Variants in PCDHA11 observed in about 807,000 individuals in gnomAD.
PCDHA11 encodes protocadherin alpha-11.
A neutral mutation model predicts 70.3 loss-of-function variants in PCDHA11; 61 were observed. That is an observed-to-expected ratio of 0.87 (90% CI 0.71 to 1.07). The LOEUF is 1.07. PCDHA11 is among the 50% of genes least tolerant of loss of function. PCDHA11 has a pLI of 0.00. For missense variants in PCDHA11, 1,324 were observed against 1,237.5 expected, an observed-to-expected ratio of 1.07 and a Z score of -1.05; for synonymous variants, 633 against 555.1, an observed-to-expected ratio of 1.14 and a Z score of -1.97.
intron 1 of PCDHA11, among the ~76,000 whole-genome samples, chr5:140,909,201 C>G (rs1379290108): frequency 6.6e-6 from 1 of 152,136 alleles, no homozygotes; most frequent in Non-Finnish European, 1.5e-5. Flanking sequence ...GACACAAAGC[C>G]GGAGAGTTGA....
intron 1 of PCDHA11, among the ~76,000 whole-genome samples, chr5:140,913,256 T>C (rs1162098506): frequency 6.6e-6 from 1 of 152,208 alleles, no homozygotes; most frequent in East Asian, 1.9e-4. Context: ...ACAACTTTGA[T>C]CTAATTACTT....
At chr5:140,907,847 C>T (rs1332235262) in intron 1 of PCDHA11, among the ~76,000 whole-genome samples, 15 of 152,232 alleles carry the variant, frequency 9.9e-5, no homozygotes, top group African/African-American at 3.6e-4. Flanking sequence ...TAAAATCCTC[C>T]TCTGCTGAGG....
chr5:140,881,625 A>G (rs2058773266), intron 1 of PCDHA11, among the ~76,000 whole-genome samples: 1 of 152,210 alleles, frequency 6.6e-6, no homozygotes, highest in African/African-American at 2.4e-5. Context: ...AAAATCTGAT[A>G]TATCAGTTAC....
chr5:140,875,865 G>C (rs782211791), intron 1 of PCDHA11: 6 of 1,614,160 alleles, frequency 3.7e-6, no homozygotes, highest in Non-Finnish European at 5.1e-6. Context: ...ACAACCCGCC[G>C]GTGTTCAGAG....
chr5:140,950,022 A>G (rs1355491628), intron 1 of PCDHA11, among the ~76,000 whole-genome samples: 1 of 151,918 alleles, frequency 6.6e-6, no homozygotes, highest in Non-Finnish European at 1.5e-5. Flanking sequence ...CCTTCATAAA[A>G]TATAGAAAAG....
intron 1 of PCDHA11, among the ~76,000 whole-genome samples, chr5:140,943,257 CA>C (rs1238620023): frequency 1.6e-3 from 121 of 77,534 alleles, no homozygotes; most frequent in Middle Eastern, 7.2e-3. Flanking sequence ...GACTCTGTCT[CA>C]AAAAAAAAAA....
intron 1 of PCDHA11, chr5:140,966,610 C>A: frequency 1.4e-6 from 1 of 715,490 alleles, no homozygotes; most frequent in Non-Finnish European, 2.1e-6. Context: ...CTTGGGAGGG[C>A]CTACGGAGGG....
intron 3 of PCDHA11, among the ~76,000 whole-genome samples, chr5:140,999,615 A>G (rs535054544): frequency 5.3e-5 from 8 of 152,322 alleles, no homozygotes; most frequent in Admixed American, 3.3e-4. Flanking sequence ...GACCTTATCA[A>G]CCAGGAAACA....
At chr5:140,927,089 TC>T in intron 1 of PCDHA11, 1 of 1,612,460 alleles carries the variant, frequency 6.2e-7, no homozygotes, top group Non-Finnish European at 8.5e-7. Context: ...GAGCTCTACT[TC>T]GGGGTGGATC....
At chr5:140,939,152 G>A (rs1486129737) in intron 1 of PCDHA11, among the ~76,000 whole-genome samples, 20 of 152,068 alleles carry the variant, frequency 1.3e-4, no homozygotes, top group Admixed American at 1.2e-3. Context: ...CAAGGTCCTG[G>A]CAGATTTGTG....
chr5:140,977,245 AC>A (rs2096751811), intron 1 of PCDHA11, among the ~76,000 whole-genome samples: 1 of 152,212 alleles, frequency 6.6e-6, no homozygotes, highest in Non-Finnish European at 1.5e-5. Context: ...AAAATTGGCA[AC>A]ATTTCTCAGC....
chr5:140,895,253 C>CT (rs1411327383), intron 1 of PCDHA11, among the ~76,000 whole-genome samples: 1 of 151,966 alleles, frequency 6.6e-6, no homozygotes. Context: ...TCAAAGCTTT[C>CT]TTTTTTTTCT....
chr5:140,983,284 A>G (rs540419188), intron 3 of PCDHA11, among the ~76,000 whole-genome samples: 1 of 152,330 alleles, frequency 6.6e-6, no homozygotes, highest in East Asian at 1.9e-4. Context: ...GAGTATAGGA[A>G]AATTGCTTAA....
intron 1 of PCDHA11, chr5:140,969,200 G>A: frequency 2.5e-6 from 4 of 1,614,132 alleles, no homozygotes; most frequent in Non-Finnish European, 3.4e-6. Context: ...TTACAATACA[G>A]GGGCCCAGAC....
At position 140,869,660 on chromosome 5, in the gene PCDHA11, G is replaced by T. The variant is rs782182212; in HGVS notation, c.557G>T (p.Gly186Val). Residue 186 changes from glycine to valine, a missense_variant, in exon 1 of 4, where the codon GGT becomes GTT. Physicochemically the swap from Gly to Val is moderately radical, Grantham distance 109 (BLOSUM62 -3). Coordinates refer to ENST00000398640, the MANE Select transcript of PCDHA11 (RefSeq NM_018902.5). ...EYFSLDSPTN[G>V]KQIKRLSLIL... ...TTTTCTTTAGATTCACCAACAAATG[G>T]TAAGCAGATTAAAAGACTGTCACTT... is the stretch of plus-strand genomic sequence containing the variant. 7 of 1,613,392 alleles carry T rather than the reference G, an allele frequency of 4.3e-6. No individual in the cohort carries two copies. The Admixed American group carries it at 1.2e-4, about 27-fold the overall frequency.
chr5:141,009,833 G>A lies in PCDHA11; in HGVS notation c.2746G>A (p.Gly916Ser), dbSNP rs782642898. The A allele has an allele frequency of 8.7e-6, 14 of 1,613,366 alleles. No homozygotes were observed. The highest frequency in any genetic ancestry group is 2.7e-5 in the African/African-American group (2 of 74,746). ...TGACAAAAGTGACTTCATAACCTTC[G>A]GCAAAAAGGAGGAGACCAAGAAAAA... ...QIDKSDFITF[G>S]KKEETKKKKK... Residue 916 changes from glycine (G) to serine (S), a missense_variant, in exon 4 of 4, where the codon GGC (glycine) becomes AGC (serine). Physicochemically the swap from Gly to Ser is moderately conservative, Grantham distance 56 (BLOSUM62 0). Coordinates refer to ENST00000398640, the MANE Select transcript of PCDHA11 (RefSeq NM_018902.5).
At chr5:140,901,716 G>A (rs555901106) in intron 1 of PCDHA11, among the ~76,000 whole-genome samples, 1 of 152,176 alleles carries the variant, frequency 6.6e-6, no homozygotes, top group South Asian at 2.1e-4. Flanking sequence ...TTTTCAGATT[G>A]TCTTTTCTAT....
At chr5:140,944,385 C>T (rs1273075803) in intron 1 of PCDHA11, among the ~76,000 whole-genome samples, 4 of 152,092 alleles carry the variant, frequency 2.6e-5, no homozygotes, top group Non-Finnish European at 5.9e-5. Flanking sequence ...TGGAGTCTCA[C>T]TGTGTTATCC....
chr5:140,919,733 AG>A (rs1426663186), intron 1 of PCDHA11, among the ~76,000 whole-genome samples: 1 of 152,194 alleles, frequency 6.6e-6, no homozygotes, highest in Admixed American at 6.5e-5. Flanking sequence ...TGTTACTTCT[AG>A]ATAGCTTTAT....
Sources: gnomAD v4.1 joint callset for allele counts (sites outside exome capture counted in the v4.1 genomes callset) on GRCh38, gnomAD v4.1.1 for gene constraint, MANE v1.5 for transcripts, NCBI Gene and HGNC (gene_info 2026-07-23, HGNC 2026-07-21) for gene names.